The following XYLB variants were observed in gnomAD, a reference collection of about 807,000 sequenced individuals.
XYLB encodes xylulose kinase.
In XYLB, 62 loss-of-function variants were observed where a neutral mutation model predicts 78.7. That is an observed-to-expected ratio of 0.79 (90% CI 0.64 to 0.97). XYLB has a LOEUF of 0.97. Among genes scored for constraint, XYLB ranks in the 50% least tolerant of loss-of-function variants. The pLI is 0.00. For missense variants in XYLB, 687 were observed against 676.8 expected (o/e 1.02, Z -0.17); for synonymous variants, 245 against 247.4 (o/e 0.99, Z 0.09).
In XYLB at chr3:38,346,843, G is replaced by A. The variant is rs1228906313; in HGVS notation, c.-26G>A. 5 of 1,496,530 alleles carry A rather than the reference G, an allele frequency of 3.3e-6. No individual in the cohort carries two copies. Among genetic ancestry groups the A allele is most frequent in the Non-Finnish European group, 4.4e-6 (5 of 1,123,930 alleles). 92.7% of individuals were successfully genotyped at this position (1,496,530 alleles called of 1,614,324 possible). ...CCGCGTGGCGGACGGACGGACTGAC[G>A]GACGCGCAGCCTTACCCGAAAGGCC... is the stretch of plus-strand genomic sequence containing the variant. On this transcript the variant is annotated 5_prime_UTR_variant, in exon 1 of 19. Transcript: ENST00000207870.
At chr3:38,379,744 C>T (rs572726904) in intron 15 of XYLB, among the ~76,000 whole-genome samples, 1 of 152,314 alleles carries the variant, frequency 6.6e-6, no homozygotes, top group Admixed American at 6.5e-5. Context: ...GTCCCATTGC[C>T]TGTGGGACAC....
At chr3:38,433,728 A>T in the XYLB span, among the ~76,000 whole-genome samples, 1 of 152,202 alleles carries the variant, frequency 6.6e-6, no homozygotes, top group Non-Finnish European at 1.5e-5. Flanking sequence ...TATCACTGTC[A>T]GCATTTTGGT....
chr3:38,408,827 C>A (rs1708447417), intron 18 of XYLB, among the ~76,000 whole-genome samples: 1 of 152,170 alleles, frequency 6.6e-6, no homozygotes, highest in South Asian at 2.1e-4. Flanking sequence ...CCTCCCAAGA[C>A]TAAACCAGGA....
At chr3:38,451,246 C>G in the XYLB span, 1 of 152,290 alleles carries the variant, frequency 6.6e-6, no homozygotes, top group African/African-American at 2.4e-5. Context: ...TCTTTTGATA[C>G]TTTTTATGGC....
chr3:38,409,945 A>G (rs1708502417), intron 18 of XYLB, among the ~76,000 whole-genome samples: 1 of 152,216 alleles, frequency 6.6e-6, no homozygotes, highest in South Asian at 2.1e-4. Context: ...TATCACGAAA[A>G]TGGCCATACT....
At chr3:38,365,852 C>A in intron 6 of XYLB, 116 bp downstream of exon 6, 1 of 1,412,660 alleles carries the variant, frequency 7.1e-7, no homozygotes, top group South Asian at 1.5e-5. Flanking sequence ...GTGGAGCCAG[C>A]AACAGGCACT....
At chr3:38,362,781 G>A (rs1361353602) in intron 3 of XYLB, among the ~76,000 whole-genome samples, 156 bp from the exon 4 acceptor site, 1 of 152,138 alleles carries the variant, frequency 6.6e-6, no homozygotes, top group African/African-American at 2.4e-5. Context: ...TTTAATTAAT[G>A]TACTCTAGTG....
chr3:38,389,971 CAGGTATGAA>C (rs1237544268), intron 15 of XYLB, among the ~76,000 whole-genome samples: 1 of 152,174 alleles, frequency 6.6e-6, no homozygotes, highest in African/African-American at 2.4e-5. Flanking sequence ...TCCCATGCTG[CAGGTATGAA>C]TCAGCACTTA....
At chr3:38,449,353 C>T in the XYLB span, among the ~76,000 whole-genome samples, 1 of 152,036 alleles carries the variant, frequency 6.6e-6, no homozygotes, top group African/African-American at 2.4e-5. Flanking sequence ...GATCTCTTGA[C>T]CTCGTGATCC....
Position 38,413,007 on chromosome 3 carries a change from G to A in XYLB, c.1605G>A (p.Pro535=), listed in dbSNP as rs537197841. 3.2e-5 allele frequency: 51 copies of A among 1,598,444 alleles called. No individual in the cohort carries two copies. The highest frequency in any genetic ancestry group is 6.8e-5 in the South Asian group (6 of 87,964). The stretch of plus-strand genomic sequence containing the variant: ...TCTTGTCTCAGACCCGGGGGCCTCC[G>A]GAGTGAACAGGCATCCCTGTTGCCC... The part of the protein sequence containing the change: ...QRILSQTRGP[P]E The change falls in exon 19 of 19, where the codon CCG becomes CCA. Residue 535 remains proline, a synonymous_variant. Coordinates refer to ENST00000207870, the MANE Select transcript of XYLB (RefSeq NM_005108.4).
intron 18 of XYLB, among the ~76,000 whole-genome samples, chr3:38,406,888 A>C (rs2125669124): frequency 6.6e-6 from 1 of 152,296 alleles, no homozygotes; most frequent in Middle Eastern, 3.4e-3. Context: ...CTATGTGAAA[A>C]GACCAAATCT....
At chr3:38,404,666 AAAC>A (rs1302512725) in intron 18 of XYLB, among the ~76,000 whole-genome samples, 1 of 152,090 alleles carries the variant, frequency 6.6e-6, no homozygotes, top group Non-Finnish European at 1.5e-5. Flanking sequence ...AAAAAGAAAA[AAAC>A]ACAAAAATTA....
intron 1 of XYLB, 50 bp downstream of exon 1, chr3:38,346,975 G>A: frequency 1.4e-6 from 2 of 1,383,266 alleles, no homozygotes; most frequent in Non-Finnish European, 1.9e-6. Context: ...CCGCTTCGGT[G>A]GGGGTAGGGG....
intron 18 of XYLB, among the ~76,000 whole-genome samples, chr3:38,405,717 G>A (rs1285387122): frequency 7.2e-5 from 11 of 152,344 alleles, no homozygotes; most frequent in Admixed American, 2.6e-4. Context: ...AAAAAACGGC[G>A]CACCAGGAGA....
rs1254488716 is a variant in XYLB, at chr3:38,413,089, C to T, written c.*76C>T. 1 of 1,421,210 alleles carries T rather than the reference C, an allele frequency of 7.0e-7. No individual in the cohort carries two copies. Among genetic ancestry groups the T allele is most frequent in the African/African-American group, 1.5e-5 (1 of 67,798 alleles). The allele number at this position is 1,421,210 out of a possible 1,614,324, so 88.0% of individuals were successfully genotyped here. On this transcript the variant is annotated 3_prime_UTR_variant, in exon 19 of 19. Coordinates refer to ENST00000207870, the MANE Select transcript of XYLB (RefSeq NM_005108.4). ...CGACATGGCCCCAGACAGGAGGGAT[C>T]CACTTCTCTGTTCTGAACAGCTCTT...
intron 14 of XYLB, 64 bp from the exon 15 acceptor site, chr3:38,379,182 C>T (rs1172655656): frequency 1.7e-5 from 25 of 1,505,572 alleles, no homozygotes; most frequent in Admixed American, 6.7e-5. Flanking sequence ...CACAGACACA[C>T]ACATACACAC....
chr3:38,442,002 G>A, the XYLB span, among the ~76,000 whole-genome samples: 1 of 152,186 alleles, frequency 6.6e-6, no homozygotes, highest in Non-Finnish European at 1.5e-5. Flanking sequence ...TACTAGATGA[G>A]TATTTGCCCT....
At chr3:38,425,281 C>G (rs1240424605), downstream of XYLB, among the ~76,000 whole-genome samples, 2 of 152,222 alleles carry the variant, frequency 1.3e-5, no homozygotes, top group Non-Finnish European at 2.9e-5. Context: ...TCAGTTAAAA[C>G]AGACAATGCT....
In XYLB at chr3:38,358,350, TGTGTGTG is replaced by T. The variant is rs1559575739; in HGVS notation, c.141-1988_141-1982del. Among the ~76,000 whole-genome samples, 201 of 96,344 alleles carry T rather than the reference TGTGTGTG, an allele frequency of 2.1e-3. 1 individual carries two copies. The highest frequency in any genetic ancestry group is 3.0e-3 in the Non-Finnish European group (140 of 46,824). 63.2% of individuals were successfully genotyped at this position (96,344 alleles called of 152,430 possible). A position where few individuals can be genotyped will look rare whatever the true frequency, so the allele number is the denominator to read the frequency against. On this transcript the variant is annotated intron_variant, in intron 2 of 18. Transcript: ENST00000207870. ...GTGTGTGTGTGTGTGTGTGTGTGTG[TGTGTGTG>T]TTTGAGACAGAGCCTTGCTCTGTTG...
Sources: gnomAD v4.1 joint callset for allele counts (sites outside exome capture counted in the v4.1 genomes callset) on GRCh38, gnomAD v4.1.1 for gene constraint, MANE v1.5 for transcripts, NCBI Gene and HGNC (gene_info 2026-07-23, HGNC 2026-07-21) for gene names.